The following TRMT9B variants were observed in gnomAD, a reference collection of about 807,000 sequenced individuals.
TRMT9B encodes probable tRNA methyltransferase 9B.
In TRMT9B, 16 loss-of-function variants were observed where a neutral mutation model predicts 11.5. The observed-to-expected ratio is 1.39, with a 90% CI of 0.94 to 2.11. TRMT9B has a LOEUF of 2.11. TRMT9B is among the 30% of genes most tolerant of loss of function. TRMT9B has a pLI of 0.00. For missense variants in TRMT9B, 941 were observed against 553.8 expected (o/e 1.70, Z -7.02); for synonymous variants, 274 against 192.4 (o/e 1.42, Z -3.51).
intron 1 of TRMT9B, among the ~76,000 whole-genome samples, chr8:12,977,124 C>G (rs1804578435): frequency 6.6e-6 from 1 of 152,220 alleles, no homozygotes; most frequent in Non-Finnish European, 1.5e-5. Context: ...GAATCCCTCT[C>G]CAGTTGCTGC....
At chr8:12,963,010 G>A (rs538520040) in intron 1 of TRMT9B, among the ~76,000 whole-genome samples, 7 of 152,098 alleles carry the variant, frequency 4.6e-5, no homozygotes, top group South Asian at 4.1e-4. Context: ...TTCCCAGTCC[G>A]CTGAGTATTA....
rs1351326290 is a variant in TRMT9B, at chr8:13,029,725, T to C, written c.*7681T>C. On this transcript the variant is annotated 3_prime_UTR_variant, in exon 5 of 5. Transcript: ENST00000524591. ...TTAATGGTTATTAAAAGAATGTTATTGACCAAAAAGACATATTTTGAGATT... is the reference window on the plus strand; with the variant it reads ...TTAATGGTTATTAAAAGAATGTTATCGACCAAAAAGACATATTTTGAGATT... The C allele has an allele frequency of 6.5e-6, 1 of 153,014 alleles. No homozygotes were observed. Among genetic ancestry groups the C allele is most frequent in the Non-Finnish European group, 1.5e-5 (1 of 68,042 alleles). 9.5% of individuals were successfully genotyped at this position (153,014 alleles called of 1,614,324 possible). A position where few individuals can be genotyped will look rare whatever the true frequency, so the allele number is the denominator to read the frequency against.
rs80309685 is a variant in TRMT9B at position 13,025,144 on chromosome 8, C to G, written c.*3100C>G. The G allele has an allele frequency of 1.2e-5, 2 of 166,938 alleles. No homozygotes were observed. The highest frequency in any genetic ancestry group is 4.8e-5 in the African/African-American group (2 of 41,402). 10.3% of individuals were successfully genotyped at this position (166,938 alleles called of 1,614,324 possible). A position where few individuals can be genotyped will look rare whatever the true frequency, so the allele number is the denominator to read the frequency against. On this transcript the variant is annotated 3_prime_UTR_variant, in exon 5 of 5. Transcript: ENST00000524591. ...CACAGTGTCTTTCTTATTCCTTCTTCTTTACTTACTGGCATCAGCACAGAG... is the reference window on the plus strand; with the variant it reads ...CACAGTGTCTTTCTTATTCCTTCTTGTTTACTTACTGGCATCAGCACAGAG...
chr8:12,948,936 G>T (rs1436175077), intron 1 of TRMT9B, among the ~76,000 whole-genome samples: 4 of 152,144 alleles, frequency 2.6e-5, no homozygotes, highest in African/African-American at 9.7e-5. Context: ...CTCCAGCCTG[G>T]GTGACAGGGC....
intron 3 of TRMT9B, chr8:13,011,704 T>C (rs1811643325): frequency 1.0e-6 from 1 of 977,668 alleles, no homozygotes; most frequent in Non-Finnish European, 1.2e-6. Context: ...CTGAATTACT[T>C]AGGTCTCTGC....
At chr8:13,004,162 G>A (rs985777029) in intron 2 of TRMT9B, among the ~76,000 whole-genome samples, 2 of 151,984 alleles carry the variant, frequency 1.3e-5, no homozygotes, top group African/African-American at 2.4e-5. Context: ...CTGAACTTGA[G>A]TTCCGGCAGG....
intron 1 of TRMT9B, chr8:12,951,648 C>T (rs1239567090): frequency 1.3e-5 from 2 of 152,032 alleles, no homozygotes; most frequent in South Asian, 2.1e-4. Context: ...CGCCGCAGGC[C>T]TGGGTTCCCG....
At chr8:12,980,854 C>T (rs140049115) in intron 1 of TRMT9B, among the ~76,000 whole-genome samples, 22 of 152,186 alleles carry the variant, frequency 1.4e-4, no homozygotes, top group Non-Finnish European at 2.6e-4. Context: ...ATTTCAAGCC[C>T]GGATGGAAGA....
In TRMT9B at chr8:13,022,286, C is replaced by T. The variant is rs1814090580; in HGVS notation, c.*242C>T. The stretch of plus-strand genomic sequence containing the variant: ...TAATATACAAGATCTGAAGAAGCAA[C>T]AGAAAGTACCCTTCAGTACACCTCA... On this transcript the variant is annotated 3_prime_UTR_variant, in exon 5 of 5. Coordinates refer to ENST00000524591, the MANE Select transcript of TRMT9B (RefSeq NM_020844.3). The T allele has an allele frequency of 2.3e-6, 1 of 427,652 alleles. No individual in the cohort carries two copies. The highest frequency in any genetic ancestry group is 4.3e-6 in the Non-Finnish European group (1 of 234,522). 26.5% of individuals were successfully genotyped at this position (427,652 alleles called of 1,614,324 possible).
chr8:12,990,187 G>A (rs1013963193), intron 1 of TRMT9B, among the ~76,000 whole-genome samples: 1 of 152,136 alleles, frequency 6.6e-6, no homozygotes, highest in African/African-American at 2.4e-5. Context: ...TTAGATTATG[G>A]TCCATTCACC....
intron 1 of TRMT9B, among the ~76,000 whole-genome samples, chr8:12,978,390 C>A (rs943322627): frequency 2.6e-5 from 4 of 152,186 alleles, no homozygotes; most frequent in African/African-American, 9.7e-5. Context: ...AACATATTTT[C>A]CAACTTTCTC....
chr8:13,014,202 T>C (rs1194095486), intron 4 of TRMT9B, among the ~76,000 whole-genome samples: 1 of 152,236 alleles, frequency 6.6e-6, no homozygotes, highest in Admixed American at 6.5e-5. Flanking sequence ...GGAAACTTGC[T>C]CTCTGATAGT....
intron 1 of TRMT9B, among the ~76,000 whole-genome samples, chr8:12,960,781 A>C (rs1585091373): frequency 6.6e-6 from 1 of 152,282 alleles, no homozygotes; most frequent in East Asian, 1.9e-4. Flanking sequence ...CTGTAAAAAG[A>C]TCAGTGGTTG....
intron 1 of TRMT9B, chr8:12,951,238 C>G (rs1429915120): frequency 6.6e-6 from 1 of 152,244 alleles, no homozygotes; most frequent in Admixed American, 6.5e-5. Flanking sequence ...TTTGGAGCGT[C>G]TAAGCCGTGG....
chr8:13,008,454 A>G (rs1810915668), intron 3 of TRMT9B, among the ~76,000 whole-genome samples: 1 of 152,212 alleles, frequency 6.6e-6, no homozygotes, highest in Non-Finnish European at 1.5e-5. Flanking sequence ...AGATGACTCA[A>G]ATATTTTGCT....
chr8:12,971,371 G>A (rs1242738690), intron 1 of TRMT9B, among the ~76,000 whole-genome samples: 1 of 152,080 alleles, frequency 6.6e-6, no homozygotes. Flanking sequence ...GCGGGCCTGG[G>A]CCTGTGACCT....
At chr8:13,020,732 T>G (rs1231391150) in intron 4 of TRMT9B, among the ~76,000 whole-genome samples, 1 of 152,222 alleles carries the variant, frequency 6.6e-6, no homozygotes, top group Non-Finnish European at 1.5e-5. Flanking sequence ...ACTCTAGACT[T>G]CTTCTTATAG....
Position 13,027,127 on chromosome 8 carries a change from C to G in TRMT9B, c.*5083C>G, listed in dbSNP as rs1274218674. ...GGACTATTCAGATATTTCATTCACT[C>G]CATTTGTTTACTAAGCCCTGCTGTG... On this transcript the variant is annotated 3_prime_UTR_variant, in exon 5 of 5. Transcript: ENST00000524591. 1.8e-5 allele frequency: 3 copies of G among 167,036 alleles called. No individual in the cohort carries two copies. The highest frequency in any genetic ancestry group is 4.8e-5 in the African/African-American group (2 of 41,436). 10.3% of individuals were successfully genotyped at this position (167,036 alleles called of 1,614,324 possible).
intron 2 of TRMT9B, among the ~76,000 whole-genome samples, chr8:12,994,711 C>T (rs930447465): frequency 6.6e-6 from 1 of 152,074 alleles, no homozygotes; most frequent in African/African-American, 2.4e-5. Flanking sequence ...GACGGAGTTT[C>T]GCTCCTGTTG....
Sources: allele counts gnomAD v4.1 joint callset (sites outside exome capture counted in the v4.1 genomes callset), GRCh38; gene constraint gnomAD v4.1.1; transcripts MANE v1.5; gene names NCBI Gene and HGNC (gene_info 2026-07-23, HGNC 2026-07-21).